The following DCBLD1 variants were observed in gnomAD, a reference collection of about 807,000 sequenced individuals.
The protein encoded by DCBLD1 is discoidin, CUB and LCCL domain-containing protein 1.
Under a neutral mutation model 71.5 loss-of-function variants are expected in DCBLD1, and 57 were observed. The ratio of observed to expected loss-of-function variants is 0.80; its 90% confidence interval spans 0.64 to 0.99. DCBLD1 has a LOEUF of 0.99. Among genes scored for constraint, DCBLD1 ranks in the 50% least tolerant of loss-of-function variants. The pLI is 0.00. For synonymous variants in DCBLD1, 380 were observed against 363.8 expected (o/e 1.04, Z -0.51); for missense variants, 891 against 923.5 (o/e 0.96, Z 0.46).
At chr6:117,531,560 G>A (rs866370952) in intron 5 of DCBLD1, among the ~76,000 whole-genome samples, 1 of 152,166 alleles carries the variant, frequency 6.6e-6, no homozygotes, top group African/African-American at 2.4e-5. Context: ...ACTGAACATC[G>A]CAGGGCTGAG....
intron 2 of DCBLD1, among the ~76,000 whole-genome samples, chr6:117,509,221 T>G (rs1777935187): frequency 1.3e-5 from 2 of 152,040 alleles, no homozygotes; most frequent in South Asian, 4.2e-4. Context: ...CACTTGAGCT[T>G]AGGAATTTGA....
intron 2 of DCBLD1, among the ~76,000 whole-genome samples, chr6:117,514,168 G>A (rs563856461): frequency 2.6e-5 from 4 of 152,110 alleles, no homozygotes; most frequent in South Asian, 2.1e-4. Context: ...AGGAATTTTC[G>A]TCTGTCAGAC....
chr6:117,537,406 C>A (rs550549142), intron 7 of DCBLD1, among the ~76,000 whole-genome samples, 181 bp downstream of exon 7: 2 of 151,512 alleles, frequency 1.3e-5, no homozygotes, highest in Non-Finnish European at 2.9e-5. Context: ...TGGTGGGGGG[C>A]GCCTGTAGTC....
intron 1 of DCBLD1, among the ~76,000 whole-genome samples, chr6:117,489,174 G>A (rs1465818957): frequency 6.6e-6 from 1 of 152,166 alleles, no homozygotes; most frequent in African/African-American, 2.4e-5. Flanking sequence ...TCAGCCTCTG[G>A]TGAGGGCCTC....
Position 117,539,282 on chromosome 6 carries a change from C to A in DCBLD1, c.1004C>A (p.Ser335Ter). 6.2e-7 allele frequency: 1 copy of A among 1,605,154 alleles called. No homozygotes were observed. Among genetic ancestry groups the A allele is most frequent in the South Asian group, 1.1e-5 (1 of 89,486 alleles). The change falls in exon 9 of 15, where the codon TCG becomes TAG. Residue 335 changes from serine (S) to a stop codon, truncating the protein, a stop_gained. Coordinates refer to ENST00000338728, the MANE Select transcript of DCBLD1 (RefSeq NM_001366458.2). LOFTEE classifies it high-confidence loss of function. Reference sequence around the variant, plus strand: ...ATTAGGACCACAGGATCTACACAGTCGAACTTCAACTTTTATGTTAAGAGT... The same window carrying A: ...ATTAGGACCACAGGATCTACACAGTAGAACTTCAACTTTTATGTTAAGAGT... ...TGIRTTGSTQ[S>*]NFNFYVKSFV...
intron 5 of DCBLD1, among the ~76,000 whole-genome samples, chr6:117,527,305 A>C (rs1446854828): frequency 6.6e-6 from 1 of 152,172 alleles, no homozygotes; most frequent in African/African-American, 2.4e-5. Context: ...ACAAGAGGGG[A>C]TACAGGGAGC....
chr6:117,537,041 T>C (rs1583021624), intron 6 of DCBLD1, 144 bp from the exon 7 acceptor site: 1 of 734,082 alleles, frequency 1.4e-6, no homozygotes, highest in Admixed American at 2.3e-5. Context: ...ATGAAGATAA[T>C]AGCAGTAGGT....
intron 2 of DCBLD1, among the ~76,000 whole-genome samples, chr6:117,509,494 TTA>T (rs1215593935): frequency 6.6e-6 from 1 of 152,166 alleles, no homozygotes; most frequent in Non-Finnish European, 1.5e-5. Context: ...ACTGGCACAC[TTA>T]TATATGACTT....
At chr6:117,488,607 C>T (rs564331721) in intron 1 of DCBLD1, among the ~76,000 whole-genome samples, 4 of 152,146 alleles carry the variant, frequency 2.6e-5, no homozygotes, top group East Asian at 1.9e-4. Flanking sequence ...ATGCTGCCAC[C>T]GTACTCCAGC....
chr6:117,495,678 C>T (rs554582460), intron 1 of DCBLD1, among the ~76,000 whole-genome samples: 2 of 152,212 alleles, frequency 1.3e-5, no homozygotes, highest in South Asian at 4.1e-4. Flanking sequence ...TGTGTCAACT[C>T]TCCTCCCCCA....
chr6:117,506,797 CAAG>C (rs1777859079), intron 2 of DCBLD1, among the ~76,000 whole-genome samples: 1 of 152,186 alleles, frequency 6.6e-6, no homozygotes, highest in Non-Finnish European at 1.5e-5. Flanking sequence ...TGCAGTGTCC[CAAG>C]GATCCAGAGC....
chr6:117,524,500 G>A (rs1051307055), intron 4 of DCBLD1, among the ~76,000 whole-genome samples: 2 of 152,064 alleles, frequency 1.3e-5, no homozygotes, highest in African/African-American at 2.4e-5. Context: ...CACTGTGTCC[G>A]GCCTTGGAAT....
At chr6:117,546,214 A>G (rs1022142247) in intron 14 of DCBLD1, among the ~76,000 whole-genome samples, 2 of 152,246 alleles carry the variant, frequency 1.3e-5, no homozygotes, top group African/African-American at 4.8e-5. Context: ...TAAGAGTAAT[A>G]AAGAGTAACT....
intron 14 of DCBLD1, among the ~76,000 whole-genome samples, chr6:117,558,026 G>T (rs1001299687): frequency 2.6e-5 from 4 of 152,288 alleles, no homozygotes; most frequent in African/African-American, 7.2e-5. Flanking sequence ...AAGGTACAAG[G>T]TCTTATTAGA....
At chr6:117,483,350 C>T (rs1468325344) in intron 1 of DCBLD1, among the ~76,000 whole-genome samples, 1 of 152,216 alleles carries the variant, frequency 6.6e-6, no homozygotes, top group Non-Finnish European at 1.5e-5. Flanking sequence ...CCCTCCCTGC[C>T]GTCGCTCCTC....
intron 9 of DCBLD1, 63 bp downstream of exon 9, chr6:117,539,442 C>T: frequency 6.7e-7 from 1 of 1,503,084 alleles, no homozygotes; most frequent in Non-Finnish European, 8.9e-7. Context: ...ATATTTTCAT[C>T]AATGTGTTTA....
intron 7 of DCBLD1, among the ~76,000 whole-genome samples, chr6:117,537,622 G>GGT (rs1554267051): frequency 2.6e-3 from 77 of 30,066 alleles, no homozygotes; most frequent in African/African-American, 5.1e-3. Context: ...TTAAAAGGTT[G>GGT]TTTTTTTTTT....
At chr6:117,553,940 C>G (rs1036394987), downstream of DCBLD1, among the ~76,000 whole-genome samples, 2 of 152,104 alleles carry the variant, frequency 1.3e-5, no homozygotes, top group African/African-American at 2.4e-5. Flanking sequence ...GACTCCATTT[C>G]CTTATTTCTA....
At chr6:117,555,513 C>T (rs952578240) in intron 14 of DCBLD1, among the ~76,000 whole-genome samples, 13 of 152,244 alleles carry the variant, frequency 8.5e-5, no homozygotes, top group African/African-American at 2.6e-4. Context: ...CACAAAAGGA[C>T]ACAAATATCC....
Sources: gnomAD v4.1 joint callset for allele counts (sites outside exome capture counted in the v4.1 genomes callset) on GRCh38, gnomAD v4.1.1 for gene constraint, MANE v1.5 for transcripts, NCBI Gene and HGNC (gene_info 2026-07-23, HGNC 2026-07-21) for gene names.